The following NIM1K variants were observed in gnomAD, a reference collection of about 807,000 sequenced individuals.
The protein encoded by NIM1K is NIM1 serine/threonine protein kinase.
A neutral mutation model predicts 37.1 loss-of-function variants in NIM1K; 35 were observed. That is an observed-to-expected ratio of 0.94 (90% CI 0.72 to 1.25). The LOEUF (loss-of-function observed/expected upper bound fraction) is 1.25, where lower values mean the gene tolerates loss of function less well. Ranked by LOEUF, NIM1K falls within the 50% of genes most tolerant of loss-of-function variation. The pLI is 0.00. For synonymous variants in NIM1K, 234 were observed against 206.6 expected (o/e 1.13, Z -1.14); for missense variants, 564 against 548.0 (o/e 1.03, Z -0.29).
chr5:43,195,490 T>G (rs1751898270), intron 1 of NIM1K, among the ~76,000 whole-genome samples: 1 of 152,000 alleles, frequency 6.6e-6, no homozygotes, highest in African/African-American at 2.4e-5. Flanking sequence ...AGACCTTGTC[T>G]CTATAAAAAT....
intron 2 of NIM1K, among the ~76,000 whole-genome samples, chr5:43,263,252 G>C (rs1477138081): frequency 6.6e-6 from 1 of 152,038 alleles, no homozygotes; most frequent in African/African-American, 2.4e-5. Context: ...ACTTTTTTTG[G>C]TTGGTAGGCT....
rs147260988 is a variant in NIM1K at position 43,274,764 on chromosome 5, C to T, written c.293-2293C>T. Among the ~76,000 whole-genome samples, 113 of 152,336 alleles carry T rather than the reference C, an allele frequency of 7.4e-4. No homozygotes were observed. In the East Asian group the frequency reaches 0.02, roughly 27 times the overall value. ...GACACCAGTGAACCCTTTTTCCATT[C>T]CAGAAGTCCCAGTGGACCTACTTTA... On this transcript the variant is annotated intron_variant, in intron 2 of 3. Transcript: ENST00000326035.
intron 2 of NIM1K, among the ~76,000 whole-genome samples, chr5:43,250,475 G>C (rs1752852964): frequency 6.6e-6 from 1 of 152,074 alleles, no homozygotes; most frequent in Non-Finnish European, 1.5e-5. Flanking sequence ...TACATTCCTA[G>C]AAGTTAGCTG....
intron 2 of NIM1K, among the ~76,000 whole-genome samples, chr5:43,254,320 G>A (rs1226720819): frequency 5.9e-5 from 9 of 152,106 alleles, no homozygotes; most frequent in Admixed American, 1.3e-4. Context: ...TAAATATATG[G>A]AAGCACTGAC....
chr5:43,220,958 C>A (rs146323765), intron 1 of NIM1K, among the ~76,000 whole-genome samples: 1 of 152,274 alleles, frequency 6.6e-6, no homozygotes, highest in Non-Finnish European at 1.5e-5. Context: ...ATGCCCTCTG[C>A]TCTGCCCTCA....
At chr5:43,218,648 A>G (rs1414245180) in intron 1 of NIM1K, among the ~76,000 whole-genome samples, 4 of 152,096 alleles carry the variant, frequency 2.6e-5, no homozygotes, top group African/African-American at 7.2e-5. Flanking sequence ...TTCATGAGGG[A>G]TCCTTCCCCA....
intron 1 of NIM1K, among the ~76,000 whole-genome samples, chr5:43,202,367 AT>A (rs1348612175): frequency 6.6e-6 from 1 of 152,066 alleles, no homozygotes; most frequent in Admixed American, 6.6e-5. Context: ...TGTTTTAGAT[AT>A]TTATTCATTC....
At chr5:43,256,599 T>C (rs1752950889) in intron 2 of NIM1K, among the ~76,000 whole-genome samples, 1 of 152,172 alleles carries the variant, frequency 6.6e-6, no homozygotes, top group Non-Finnish European at 1.5e-5. Flanking sequence ...GGCCTTACCA[T>C]TTCAGTGCTT....
At chr5:43,198,207 C>CTTTCTTTCTTTCTCTTTCTT (rs1281355308) in intron 1 of NIM1K, among the ~76,000 whole-genome samples, 4 of 48,874 alleles carry the variant, frequency 8.2e-5, no homozygotes, top group African/African-American at 1.6e-4. Flanking sequence ...TTCTTTCTTT[C>CTTTCTTTCTTTCTCTTTCTT]TCTTTCTTTC....
Position 43,280,325 on chromosome 5 carries a change from C to G in NIM1K, c.907C>G (p.Arg303Gly). The stretch of plus-strand genomic sequence containing the variant: ...GTCAGAGCCCTGCCACCGACTCATC[C>G]GAGGAGTCCTTCAGCAGATCCCCAC... ...HVSEPCHRLI[R>G]GVLQQIPTER... The change falls in exon 4 of 4, where the codon CGA becomes GGA. Residue 303 changes from arginine (R) to glycine (G), a missense_variant. Arg to Gly is a moderately radical substitution (Grantham distance 125). Coordinates refer to ENST00000326035, the MANE Select transcript of NIM1K (RefSeq NM_153361.4). 6.2e-7 allele frequency: 1 copy of G among 1,614,140 alleles called. No homozygotes were observed. The highest frequency in any genetic ancestry group is 8.5e-7 in the Non-Finnish European group (1 of 1,180,034).
chr5:43,193,990 T>TA (rs1561068424), intron 1 of NIM1K, among the ~76,000 whole-genome samples: 1 of 152,230 alleles, frequency 6.6e-6, no homozygotes, highest in Non-Finnish European at 1.5e-5. Context: ...TTGTTTTTTT[T>TA]ATTTTATTTT....
chr5:43,218,410 C>T (rs1054892302), intron 1 of NIM1K, among the ~76,000 whole-genome samples: 1 of 152,184 alleles, frequency 6.6e-6, no homozygotes, highest in Non-Finnish European at 1.5e-5. Flanking sequence ...CTATTTGGCT[C>T]ACAATTCTGC....
chr5:43,257,359 ACT>A (rs1752961586), intron 2 of NIM1K, among the ~76,000 whole-genome samples: 1 of 111,492 alleles, frequency 9.0e-6, no homozygotes, highest in African/African-American at 3.5e-5. Context: ...CAGTAAAGTG[ACT>A]CTTTTTTTTT....
intron 1 of NIM1K, among the ~76,000 whole-genome samples, chr5:43,242,658 T>C (rs555299859): frequency 8.6e-5 from 13 of 151,984 alleles, no homozygotes; most frequent in African/African-American, 2.9e-4. Flanking sequence ...AACAAAAATA[T>C]TTACCTCTAC....
chr5:43,229,289 G>A (rs1464953232), intron 1 of NIM1K, among the ~76,000 whole-genome samples: 1 of 149,780 alleles, frequency 6.7e-6, no homozygotes, highest in African/African-American at 2.5e-5. Context: ...GGAGGCTGAG[G>A]CAGGAGAATC....
chr5:43,278,035 C>CCTTCCTTCCTTT (rs1277598772), intron 3 of NIM1K, among the ~76,000 whole-genome samples: 4 of 143,460 alleles, frequency 2.8e-5, no homozygotes, highest in Admixed American at 6.8e-5. Context: ...TTCCTTCCTT[C>CCTTCCTTCCTTT]CTTTCTTTCT....
intron 2 of NIM1K, among the ~76,000 whole-genome samples, chr5:43,275,088 A>T (rs1375494893): frequency 6.6e-6 from 1 of 152,258 alleles, no homozygotes; most frequent in African/African-American, 2.4e-5. Context: ...AATAGAAAAT[A>T]TGAATAAGCA....
intron 2 of NIM1K, among the ~76,000 whole-genome samples, chr5:43,256,768 A>G (rs1015031453): frequency 6.6e-6 from 1 of 152,210 alleles, no homozygotes; most frequent in Non-Finnish European, 1.5e-5. Flanking sequence ...TAATGTATAA[A>G]TACTCCAGTT....
chr5:43,198,242 TTTC>T (rs1383863996), intron 1 of NIM1K, among the ~76,000 whole-genome samples: 4 of 141,888 alleles, frequency 2.8e-5, no homozygotes, highest in East Asian at 2.1e-4. Context: ...TCTTTCTTTC[TTTC>T]TTTTCTTTCT....
Sources: gnomAD v4.1 joint callset for allele counts (sites outside exome capture counted in the v4.1 genomes callset) on GRCh38, gnomAD v4.1.1 for gene constraint, MANE v1.5 for transcripts, NCBI Gene and HGNC (gene_info 2026-07-23, HGNC 2026-07-21) for gene names.